Variants in CBFA2T3 observed in about 807,000 individuals in gnomAD.
CBFA2T3 encodes the protein transcriptional corepressor CBFA2T3.
Under a neutral mutation model 58.6 loss-of-function variants are expected in CBFA2T3, and 31 were observed. The ratio of observed to expected loss-of-function variants is 0.53; its 90% CI spans 0.40 to 0.71. CBFA2T3 has a LOEUF of 0.71. Ranked by LOEUF, CBFA2T3 falls within the 30% of genes least tolerant of loss-of-function variation. The probability of loss-of-function intolerance (pLI) is 0.00; values close to 1 mark genes in which losing one functional copy is unlikely to be tolerated. For missense variants in CBFA2T3, 1,076 were observed against 963.1 expected (o/e 1.12, Z -1.55); for synonymous variants, 531 against 421.9 (o/e 1.26, Z -3.17).
At chr16:88,928,955 G>C (rs1288239431) in intron 1 of CBFA2T3, among the ~76,000 whole-genome samples, 1 of 152,218 alleles carries the variant, frequency 6.6e-6, no homozygotes, top group Non-Finnish European at 1.5e-5. Context: ...CAGCAAGGCG[G>C]AGCAGAGTGG....
chr16:88,892,729 C>A (rs1969694692), intron 3 of CBFA2T3, among the ~76,000 whole-genome samples: 2 of 152,206 alleles, frequency 1.3e-5, no homozygotes, highest in African/African-American at 4.8e-5. Context: ...AGGTCACACA[C>A]ACCCCCTTAC....
At chr16:88,916,471 C>T (rs575314390) in intron 1 of CBFA2T3, among the ~76,000 whole-genome samples, 86 of 151,086 alleles carry the variant, frequency 5.7e-4, no homozygotes, top group African/African-American at 2.0e-3. Context: ...TGTATGTGTG[C>T]GTGTGTATTC....
At chr16:88,883,086 C>T (rs918382539) in intron 7 of CBFA2T3, among the ~76,000 whole-genome samples, 25 of 152,138 alleles carry the variant, frequency 1.6e-4, no homozygotes, top group African/African-American at 4.8e-4. Context: ...AGGCAGGGAG[C>T]GGTGGGGGTG....
At chr16:88,892,131 T>C in intron 4 of CBFA2T3, 113 bp downstream of exon 4, 1 of 1,434,128 alleles carries the variant, frequency 7.0e-7, no homozygotes, top group Non-Finnish European at 9.6e-7. Context: ...TGGGAGCGGG[T>C]CCACGCCCGG....
chr16:88,886,322 G>C (rs1428379696), intron 5 of CBFA2T3, 180 bp from the exon 6 acceptor site: 5 of 448,712 alleles, frequency 1.1e-5, no homozygotes, highest in Non-Finnish European at 2.0e-5. Flanking sequence ...TGGGAGGGTG[G>C]CGTGGGAGGG....
Position 88,958,750 on chromosome 16 carries a change from G to T in CBFA2T3, c.151+17907C>A, listed in dbSNP as rs745554156. On this transcript the variant is annotated intron_variant, in intron 1 of 11. Transcript: ENST00000268679. This position sits in a 1 kb window ranked among gnomAD's most constrained non-coding sequence, Gnocchi z 4.0. ...ATGAACTTGCTCTCCCAGGGCTGGG[G>T]CCTCAGGGCCTCAGCGTAGCCCAGG... is the stretch of plus-strand genomic sequence containing the variant. Among the ~76,000 whole-genome samples the T allele has an allele frequency of 6.6e-6, 1 of 152,126 alleles. No individual in the cohort carries two copies. Among genetic ancestry groups the T allele is most frequent in the Non-Finnish European group, 1.5e-5 (1 of 67,998 alleles).
At chr16:88,905,631 T>C (rs550257806) in intron 1 of CBFA2T3, among the ~76,000 whole-genome samples, 134 of 131,874 alleles carry the variant, frequency 1.0e-3, no homozygotes, top group South Asian at 2.0e-3. Context: ...GGAAGTGGGG[T>C]GAGTGGAGCG....
intron 1 of CBFA2T3, among the ~76,000 whole-genome samples, chr16:88,969,881 C>A (rs1368070611): frequency 6.6e-6 from 1 of 152,148 alleles, no homozygotes; most frequent in Admixed American, 6.5e-5. Flanking sequence ...GCTGTGGGTT[C>A]ACCCCATCCC....
chr16:88,907,875 A>T (rs1334932935), intron 1 of CBFA2T3, among the ~76,000 whole-genome samples: 2 of 152,230 alleles, frequency 1.3e-5, no homozygotes, highest in African/African-American at 2.4e-5. Flanking sequence ...CTCTCTGGGC[A>T]TGCCTGAGTC....
intron 2 of CBFA2T3, among the ~76,000 whole-genome samples, chr16:88,900,676 C>G (rs1341247599): frequency 1.3e-5 from 2 of 152,132 alleles, no homozygotes; most frequent in African/African-American, 4.8e-5. Context: ...AGTCTCCCCC[C>G]TGCAGACACT....
In CBFA2T3 at chr16:88,876,420, G is replaced by A; in HGVS notation, c.*556C>T. 2 of 229,750 alleles carry A rather than the reference G, an allele frequency of 8.7e-6. No individual in the cohort carries two copies. Among genetic ancestry groups the A allele is most frequent in the Non-Finnish European group, 1.7e-5 (2 of 115,888 alleles). 14.2% of individuals were successfully genotyped at this position (229,750 alleles called of 1,614,324 possible). ...GGTTCAGATCTCCAGCTATAAAATCGCAGTTTTCTTTCTCCCTTTTTAATC... is the reference window on the plus strand; with the variant it reads ...GGTTCAGATCTCCAGCTATAAAATCACAGTTTTCTTTCTCCCTTTTTAATC... On this transcript the variant is annotated 3_prime_UTR_variant, in exon 12 of 12. Transcript: ENST00000268679.
At chr16:88,975,348 T>A (rs1315982136) in intron 1 of CBFA2T3, among the ~76,000 whole-genome samples, 1 of 151,304 alleles carries the variant, frequency 6.6e-6, no homozygotes, top group South Asian at 2.1e-4. Context: ...GACACCCCCG[T>A]CCTTCCACAG....
intron 1 of CBFA2T3, among the ~76,000 whole-genome samples, chr16:88,961,884 ATTCCC>A (rs1972369137): frequency 6.8e-6 from 1 of 146,106 alleles, no homozygotes; most frequent in African/African-American, 2.6e-5. Context: ...AGCGCTGGGC[ATTCCC>A]ACTCCATAGT....
At chr16:88,929,837 C>T (rs1326018473) in intron 1 of CBFA2T3, among the ~76,000 whole-genome samples, 1 of 151,208 alleles carries the variant, frequency 6.6e-6, no homozygotes, top group East Asian at 1.9e-4. Context: ...CCCACAGCTG[C>T]ATCATCCACG....
At chr16:88,942,476 T>G (rs952130868) in intron 1 of CBFA2T3, among the ~76,000 whole-genome samples, 7 of 152,168 alleles carry the variant, frequency 4.6e-5, no homozygotes, top group African/African-American at 1.7e-4. Context: ...GTGCGAAACA[T>G]GGCCCATTCC....
chr16:88,932,527 G>C (rs571069426), intron 1 of CBFA2T3, among the ~76,000 whole-genome samples: 4 of 152,054 alleles, frequency 2.6e-5, no homozygotes, highest in African/African-American at 9.6e-5. Flanking sequence ...AACACCCATA[G>C]TCCCAGCTAC....
chr16:88,973,293 G>T (rs905852960), intron 1 of CBFA2T3, among the ~76,000 whole-genome samples: 4 of 152,226 alleles, frequency 2.6e-5, no homozygotes, highest in Non-Finnish European at 5.9e-5. Context: ...TTGGGAGGGA[G>T]GAGACGGCCT....
At chr16:88,975,892 T>C (rs2142897652) in intron 1 of CBFA2T3, among the ~76,000 whole-genome samples, 1 of 152,326 alleles carries the variant, frequency 6.6e-6, no homozygotes, top group South Asian at 2.1e-4. Flanking sequence ...ACGGCCTCAG[T>C]GAGAGCCCCG....
In CBFA2T3 at chr16:88,879,291, G is replaced by C; in HGVS notation, c.1641C>G (p.Asn547Lys). ...QASEDALTVI[N>K]QQEDSSESCW... is the part of the protein sequence containing the mutation. ...CTACCTCGCTGGAGTCCTCCTGCTGGTTGATGACCGTCAGGGCGTCCTCGG... is the reference window on the plus strand; with the variant it reads ...CTACCTCGCTGGAGTCCTCCTGCTGCTTGATGACCGTCAGGGCGTCCTCGG... The change falls in exon 11 of 12, where the codon AAC becomes AAG. Residue 547 changes from asparagine (N) to lysine (K), a missense_variant. Asn to Lys is a moderately conservative substitution (Grantham distance 94, BLOSUM62 0). Transcript: ENST00000268679. 3.7e-6 allele frequency: 6 copies of C among 1,602,484 alleles called. No individual in the cohort carries two copies. Among genetic ancestry groups the C allele is most frequent in the Non-Finnish European group, 5.1e-6 (6 of 1,174,078 alleles).
Sources: gnomAD v4.1 joint callset for allele counts (sites outside exome capture counted in the v4.1 genomes callset) on GRCh38, gnomAD v4.1.1 for gene constraint, Gnocchi (gnomAD v3.1) non-coding constraint, MANE v1.5 for transcripts, NCBI Gene and HGNC (gene_info 2026-07-23, HGNC 2026-07-21) for gene names.